Variants in SLIT2 observed in about 807,000 individuals in gnomAD.
The protein encoded by SLIT2 is slit homolog 2 protein.
In SLIT2, 41 loss-of-function variants were observed where a neutral mutation model predicts 185.7. The observed-to-expected ratio is 0.22, with a 90% confidence interval of 0.17 to 0.29. The LOEUF is 0.29. Among genes scored for constraint, SLIT2 ranks in the 10% least tolerant of loss-of-function variants. The pLI is 1.00. For missense variants in SLIT2, 1,571 were observed against 1,909.0 expected (o/e 0.82, Z 3.30); for synonymous variants, 693 against 680.2 (o/e 1.02, Z -0.29).
In SLIT2 at chr4:20,257,890, A is replaced by T. The variant is rs763006225; in HGVS notation, c.274A>T (p.Ser92Cys). The T allele has an allele frequency of 1.3e-6, 2 of 1,570,366 alleles. No homozygotes were observed. The highest frequency in any genetic ancestry group is 2.2e-5 in the South Asian group (2 of 89,428). Residue 92 changes from serine to cysteine, a missense_variant, in exon 3 of 37, where the codon AGC becomes TGC. Physicochemically the swap from Ser to Cys is moderately radical, Grantham distance 112. Coordinates refer to ENST00000504154, the MANE Select transcript of SLIT2 (RefSeq NM_004787.4). ...CAGTCAGCTTATGGAGAATAAGATT[A>T]GCACCATTGAAAGAGGAGCATTCCA... ...RVLQLMENKI[S>C]TIERGAFQDL... is the part of the protein sequence containing the mutation.
rs561139676 is a variant in SLIT2 at position 20,578,629 on chromosome 4, A to G, written c.3088+9625A>G. Among the ~76,000 whole-genome samples the G allele has an allele frequency of 3.3e-5, 5 of 152,284 alleles. No individual in the cohort carries two copies. In the East Asian group the frequency reaches 5.8e-4, roughly 18 times the overall value. ...CCAGAATGGACTCAGATTTTTATCT[A>G]TTTCAAAGAGAGAAGAAGCTAATCT... is the stretch of plus-strand genomic sequence containing the variant. On this transcript the variant is annotated intron_variant, in intron 29 of 36. Transcript: ENST00000504154.
chr4:20,520,946 A>G (rs1720786509), intron 12 of SLIT2, among the ~76,000 whole-genome samples: 1 of 152,136 alleles, frequency 6.6e-6, no homozygotes, highest in Non-Finnish European at 1.5e-5. Context: ...TATTGCTACT[A>G]ATTTGATAAA....
At chr4:20,537,759 G>A (rs1722427519) in intron 18 of SLIT2, among the ~76,000 whole-genome samples, 1 of 152,030 alleles carries the variant, frequency 6.6e-6, no homozygotes, top group Non-Finnish European at 1.5e-5. Flanking sequence ...GGTGTCTTTT[G>A]TCTTGGAGCT....
At chr4:20,310,374 C>T (rs7668974) in intron 4 of SLIT2, among the ~76,000 whole-genome samples, 56,411 of 152,032 alleles carry the variant, frequency 0.37, 10,901 homozygotes, top group African/African-American at 0.47. Flanking sequence ...TCTTCTCTTT[C>T]ATCCTGCCAA....
At chr4:20,364,950 C>G (rs1462666070) in intron 4 of SLIT2, among the ~76,000 whole-genome samples, 1 of 152,074 alleles carries the variant, frequency 6.6e-6, no homozygotes, top group Non-Finnish European at 1.5e-5. Flanking sequence ...ACAGATGAAA[C>G]ATTTCAGATG....
At chr4:20,437,048 T>C (rs1729387149) in intron 4 of SLIT2, among the ~76,000 whole-genome samples, 1 of 152,218 alleles carries the variant, frequency 6.6e-6, no homozygotes, top group Non-Finnish European at 1.5e-5. Flanking sequence ...ACTTAATAAA[T>C]GTAAGCATTT....
chr4:20,382,463 C>T (rs895710665), intron 4 of SLIT2, among the ~76,000 whole-genome samples: 1 of 152,036 alleles, frequency 6.6e-6, no homozygotes, highest in Non-Finnish European at 1.5e-5. Flanking sequence ...ACCTACAAAT[C>T]GGTTTACCAA....
At chr4:20,474,959 A>G (rs1176196097) in intron 5 of SLIT2, among the ~76,000 whole-genome samples, 1 of 151,808 alleles carries the variant, frequency 6.6e-6, no homozygotes, top group Non-Finnish European at 1.5e-5. Context: ...TAGATACAGA[A>G]ACTCTAGGAC....
chr4:20,374,174 T>C (rs1323451998), intron 4 of SLIT2, among the ~76,000 whole-genome samples: 4 of 152,086 alleles, frequency 2.6e-5, no homozygotes, highest in African/African-American at 7.2e-5. Flanking sequence ...GGGAAAATTA[T>C]ATGCGATGAT....
chr4:20,401,643 G>C (rs1411663581), intron 4 of SLIT2, among the ~76,000 whole-genome samples: 3 of 151,866 alleles, frequency 2.0e-5, no homozygotes, highest in African/African-American at 7.2e-5. Context: ...TCAACCTCAA[G>C]TCTAAACTAC....
intron 29 of SLIT2, among the ~76,000 whole-genome samples, chr4:20,580,245 G>C (rs1726443620): frequency 6.6e-6 from 1 of 151,090 alleles, no homozygotes; most frequent in African/African-American, 2.4e-5. Flanking sequence ...ATTTTCAGTA[G>C]AGACAGGGTT....
rs1722151510 is a variant in SLIT2, at chr4:20,252,884, CCACT to C, written c.-929_-926del. Among the ~76,000 whole-genome samples, 1 of 152,166 alleles carries C rather than the reference CCACT, an allele frequency of 6.6e-6. No homozygotes were observed. The highest frequency in any genetic ancestry group is 6.5e-5 in the Admixed American group (1 of 15,278). ...TTTTAAGTCCGCCCCCAGTCAGTCC[CCACT>C]CAGTCTTCGCAGCAGCTCTCATCCT... On this transcript the variant is annotated 5_prime_UTR_variant, in exon 1 of 37. Coordinates refer to ENST00000504154, the MANE Select transcript of SLIT2 (RefSeq NM_004787.4).
intron 4 of SLIT2, among the ~76,000 whole-genome samples, chr4:20,303,738 G>T (rs1340066201): frequency 1.3e-5 from 2 of 152,138 alleles, no homozygotes; most frequent in Admixed American, 1.3e-4. Context: ...CTGTCTATGT[G>T]GGTGCCTCAT....
intron 28 of SLIT2, among the ~76,000 whole-genome samples, chr4:20,567,909 A>G (rs1560201802): frequency 1.3e-5 from 2 of 152,220 alleles, no homozygotes; most frequent in East Asian, 3.9e-4. Context: ...TATTGGCTCC[A>G]TTATACTAAT....
intron 4 of SLIT2, among the ~76,000 whole-genome samples, chr4:20,440,001 A>G (rs1407734596): frequency 6.6e-6 from 1 of 152,208 alleles, no homozygotes; most frequent in Admixed American, 6.5e-5. Context: ...TTATTTTGCC[A>G]AAGCCTTCTA....
chr4:20,465,651 T>C (rs1221959218), intron 4 of SLIT2, among the ~76,000 whole-genome samples: 2 of 152,186 alleles, frequency 1.3e-5, no homozygotes. Context: ...ATTTAGCTAT[T>C]TGATGCCCTA....
intron 33 of SLIT2, 28 bp from the exon 34 acceptor site, chr4:20,609,985 G>T: frequency 2.5e-6 from 4 of 1,577,470 alleles, no homozygotes; most frequent in African/African-American, 1.4e-5. Context: ...GAAAATGGAA[G>T]AATCAGCCAT....
chr4:20,407,614 G>A (rs1726878243), intron 4 of SLIT2, among the ~76,000 whole-genome samples: 1 of 152,144 alleles, frequency 6.6e-6, no homozygotes, highest in Non-Finnish European at 1.5e-5. Context: ...CACAACATCA[G>A]CAAACTCAAT....
intron 11 of SLIT2, among the ~76,000 whole-genome samples, chr4:20,514,120 T>C (rs1252074453): frequency 6.6e-6 from 1 of 151,992 alleles, no homozygotes; most frequent in Non-Finnish European, 1.5e-5. Context: ...TACTTGGGAG[T>C]ATGTAGTTTA....
Sources: gnomAD v4.1 joint callset for allele counts (sites outside exome capture counted in the v4.1 genomes callset) on GRCh38, gnomAD v4.1.1 for gene constraint, MANE v1.5 for transcripts, NCBI Gene and HGNC (gene_info 2026-07-23, HGNC 2026-07-21) for gene names.